SLFN12: variants seen among roughly 807,000 people sequenced by gnomAD.
SLFN12 encodes schlafen family member 12, also known as ribonuclease SLFN12.
SLFN12 carries 25 observed loss-of-function variants against 29.1 expected under a neutral mutation model. The ratio of observed to expected loss-of-function variants is 0.86; its 90% CI spans 0.63 to 1.20. The LOEUF (loss-of-function observed/expected upper bound fraction) is 1.20, where lower values mean the gene tolerates loss of function less well. Ranked by LOEUF, SLFN12 falls within the 50% of genes most tolerant of loss-of-function variation. SLFN12 has a pLI of 0.00. For missense variants in SLFN12, 660 were observed against 666.2 expected, an observed-to-expected ratio of 0.99 and a Z score of 0.10; for synonymous variants, 257 against 238.7, an observed-to-expected ratio of 1.08 and a Z score of -0.71.
rs775909068 is a variant in SLFN12, at chr17:35,422,223, C to T, written c.806G>A (p.Arg269Lys). 12 of 1,614,132 alleles carry T rather than the reference C, an allele frequency of 7.4e-6. No homozygotes were observed. The South Asian group carries it at 1.3e-4, about 18-fold the overall frequency. The change falls in exon 2 of 4, where the codon AGG becomes AAG. Residue 269 changes from arginine to lysine, a missense_variant. By Grantham distance (26) the Arg-to-Lys change is conservative. Transcript: ENST00000304905. Reference protein sequence around the residue: ...DLEREIEKSIRKMPVHHFCME... With the variant: ...DLEREIEKSIKKMPVHHFCME... ...ACAGAAGTGATGCACAGGCATCTTC[C>T]TAATGGACTTTTCGATTTCTCTTTC...
chr17:35,417,955 C>T (rs965396582), intron 3 of SLFN12, among the ~76,000 whole-genome samples: 6 of 151,840 alleles, frequency 4.0e-5, no homozygotes, highest in Admixed American at 3.3e-4. Flanking sequence ...ACTATAAAGG[C>T]ATTAAAGAAG....
At chr17:35,423,465 T>C (rs949581348) in intron 1 of SLFN12, among the ~76,000 whole-genome samples, 7 of 152,064 alleles carry the variant, frequency 4.6e-5, no homozygotes, top group African/African-American at 1.7e-4. Flanking sequence ...TTTTAATAAT[T>C]TCAGCTTTTA....
At chr17:35,419,246 A>C (rs906339326) in intron 3 of SLFN12, among the ~76,000 whole-genome samples, 4 of 152,166 alleles carry the variant, frequency 2.6e-5, no homozygotes, top group Non-Finnish European at 5.9e-5. Context: ...ACTAAACCGC[A>C]ACATTTTAAA....
chr17:35,420,340 T>C lies in SLFN12; in HGVS notation c.1081A>G (p.Thr361Ala), dbSNP rs1331680947. 4 of 1,613,886 alleles carry C rather than the reference T, an allele frequency of 2.5e-6. No individual in the cohort carries two copies. The highest frequency in any genetic ancestry group is 3.4e-6 in the Non-Finnish European group (4 of 1,179,864). ...CAACTGTGGGGAGCAGGTAATGACG[T>C]ATTTATTTGAGAGATCACCTCTTCA... is the stretch of plus-strand genomic sequence containing the variant. ...SYEEVISQIN[T>A]SLPAPHSWPL... The change falls in exon 3 of 4, where the codon ACG becomes GCG. Residue 361 changes from threonine to alanine, a missense_variant. Thr to Ala is a moderately conservative substitution (Grantham distance 58, BLOSUM62 0). Coordinates refer to ENST00000304905, the MANE Select transcript of SLFN12 (RefSeq NM_018042.5).
rs547206723 is a variant in SLFN12, at chr17:35,419,219, T to C, written c.1147+1055A>G. On this transcript the variant is annotated intron_variant, in intron 3 of 3. Transcript: ENST00000304905. ...TCCTAGTGTATAGAAGGATCTCTTATGCAAGGCACAAAGAGCACTAAACCG... is the reference window on the plus strand; with the variant it reads ...TCCTAGTGTATAGAAGGATCTCTTACGCAAGGCACAAAGAGCACTAAACCG... Among the ~76,000 whole-genome samples the C allele has an allele frequency of 4.1e-4, 63 of 152,204 alleles. 2 individuals are homozygous for C. The South Asian group carries it at 0.013, about 31-fold the overall frequency.
intron 1 of SLFN12, chr17:35,430,346 A>G (rs1055183159): frequency 1.5e-4 from 23 of 152,150 alleles, no homozygotes; most frequent in Non-Finnish European, 2.8e-4. Context: ...TGTTGGGGCC[A>G]TGAGCTCAGT....
At chr17:35,413,962 C>G (rs974786273) in intron 3 of SLFN12, among the ~76,000 whole-genome samples, 6 of 152,010 alleles carry the variant, frequency 3.9e-5, no homozygotes, top group Middle Eastern at 3.4e-3. Context: ...TCTTAACCAA[C>G]TAGGTATAGA....
chr17:35,432,871 T>C (rs1912399728), upstream of SLFN12: 1 of 151,988 alleles, frequency 6.6e-6, no homozygotes, highest in Admixed American at 6.5e-5. Context: ...AAACTAAGGC[T>C]GGAAGGTTTA....
rs200310728 is a variant in SLFN12 at position 35,422,660 on chromosome 17, G to A, written c.369C>T (p.Ser123=). Reference sequence around the variant, plus strand: ...TTATATCTCTTTTGTACAAATTGGAGCTCAAGGTGGTAATCCGCAGACCAG... The same window carrying A: ...TTATATCTCTTTTGTACAAATTGGAACTCAAGGTGGTAATCCGCAGACCAG... The part of the protein sequence containing the change: ...NTSGLRITTL[S]SNLYKRDITS... Residue 123 remains serine (S), a synonymous_variant, in exon 2 of 4, where the codon AGC becomes AGT. Coordinates refer to ENST00000304905, the MANE Select transcript of SLFN12 (RefSeq NM_018042.5). The A allele has an allele frequency of 2.6e-4, 418 of 1,613,890 alleles. 5 individuals carry two copies. The South Asian group carries it at 4.3e-3, about 16-fold the overall frequency.
chr17:35,431,676 T>C (rs1912325420), intron 1 of SLFN12, among the ~76,000 whole-genome samples: 1 of 152,130 alleles, frequency 6.6e-6, no homozygotes, highest in African/African-American at 2.4e-5. Flanking sequence ...TACTGTGAGC[T>C]TTCCTTTTGT....
intron 2 of SLFN12, among the ~76,000 whole-genome samples, chr17:35,421,315 AAG>A (rs1911633144): frequency 6.6e-6 from 1 of 151,682 alleles, no homozygotes; most frequent in East Asian, 1.9e-4. Context: ...ATGTTCCTGA[AAG>A]AAAGCAATGG....
intron 2 of SLFN12, among the ~76,000 whole-genome samples, chr17:35,421,571 G>C (rs955876122): frequency 7.9e-6 from 1 of 127,022 alleles, no homozygotes; most frequent in African/African-American, 3.2e-5. Context: ...ATGGAGTCTC[G>C]CTCTGTTGCC....
At chr17:35,424,205 A>C (rs1911868935) in intron 1 of SLFN12, among the ~76,000 whole-genome samples, 2 of 152,130 alleles carry the variant, frequency 1.3e-5, no homozygotes, top group African/African-American at 2.4e-5. Context: ...TAACTTTTTA[A>C]GTTAAGAAGT....
rs746530090 is a variant in SLFN12 at position 35,411,393 on chromosome 17, T to A, written c.1682A>T (p.Asp561Val). The A allele has an allele frequency of 7.5e-6, 12 of 1,597,088 alleles. No individual in the cohort carries two copies. Among genetic ancestry groups the A allele is most frequent in the Non-Finnish European group, 1.0e-5 (12 of 1,173,638 alleles). The change falls in exon 4 of 4, where the codon GAT (aspartate) becomes GTT (valine). Residue 561 changes from aspartate (D) to valine (V), a missense_variant. Asp to Val is a radical substitution (Grantham distance 152). Coordinates refer to ENST00000304905, the MANE Select transcript of SLFN12 (RefSeq NM_018042.5). ...AENLYQIIGI[D>V]CFQKNDKKMF... The stretch of plus-strand genomic sequence containing the variant: ...CTTTTTATCATTCTTCTGAAAGCAA[T>A]CTATACCGATTATCTGGTATAGATT...
rs1187907855 is a variant in SLFN12, at chr17:35,422,859, C to A, written c.170G>T (p.Gly57Val). ...ATTCTCAATTTCAGCCTTGATCACT[C>A]CCCCTCCAGAATTGAGCAGAGCACA... ...AMCALLNSGG[G>V]VIKAEIENED... The change falls in exon 2 of 4, where the codon GGA (glycine) becomes GTA (valine). Residue 57 changes from glycine to valine, a missense_variant. Gly to Val is a moderately radical substitution (Grantham distance 109). Coordinates refer to ENST00000304905, the MANE Select transcript of SLFN12 (RefSeq NM_018042.5). 2 of 1,613,952 alleles carry A rather than the reference C, an allele frequency of 1.2e-6. No homozygotes were observed. The highest frequency in any genetic ancestry group is 2.2e-5 in the South Asian group (2 of 91,076).
chr17:35,411,561 A>T lies in SLFN12; in HGVS notation c.1514T>A (p.Met505Lys), dbSNP rs1246769163. The part of the protein sequence containing the change: ...TKIFYLSPEG[M>K]TSCQYDLRSQ... Reference sequence around the variant, plus strand: ...CCTTAAATCATACTGGCAGCTTGTCATGCCTTCAGGGCTCAAGTAGAAGAT... The same window carrying T: ...CCTTAAATCATACTGGCAGCTTGTCTTGCCTTCAGGGCTCAAGTAGAAGAT... The change falls in exon 4 of 4, where the codon ATG becomes AAG. Residue 505 changes from methionine to lysine, a missense_variant. Physicochemically the swap from Met to Lys is moderately conservative, Grantham distance 95. Transcript: ENST00000304905. The T allele has an allele frequency of 4.3e-6, 7 of 1,614,094 alleles. No individual in the cohort carries two copies. The highest frequency in any genetic ancestry group is 4.5e-5 in the East Asian group (2 of 44,880).
chr17:35,430,400 C>G (rs1912243508), intron 1 of SLFN12: 1 of 152,088 alleles, frequency 6.6e-6, no homozygotes, highest in South Asian at 2.1e-4. Flanking sequence ...AAAATTCCCC[C>G]TTTTTGTTCA....
chr17:35,420,581 C>A (rs1360005462), intron 2 of SLFN12, 200 bp from the exon 3 acceptor site: 3 of 394,098 alleles, frequency 7.6e-6, no homozygotes, highest in East Asian at 8.3e-5. Flanking sequence ...CACTATATTT[C>A]AAATGAAAAT....
At chr17:35,421,848 G>T in intron 2 of SLFN12, 142 bp downstream of exon 2, 2 of 1,199,852 alleles carry the variant, frequency 1.7e-6, no homozygotes, top group Non-Finnish European at 2.3e-6. Flanking sequence ...CCGAGGCAGG[G>T]AACTATTGAT....
Sources: allele counts gnomAD v4.1 joint callset (sites outside exome capture counted in the v4.1 genomes callset), GRCh38; gene constraint gnomAD v4.1.1; transcripts MANE v1.5; gene names NCBI Gene and HGNC (gene_info 2026-07-23, HGNC 2026-07-21).